Variants in CFAP46 observed in about 807,000 individuals in gnomAD.
The protein encoded by CFAP46 is cilia and flagella associated protein 46, also known as cilia- and flagella-associated protein 46.
In CFAP46, 245 loss-of-function variants were observed where a neutral mutation model predicts 325.7. The observed-to-expected ratio is 0.75, with a 90% CI of 0.68 to 0.84. CFAP46 has a LOEUF of 0.84. Among genes scored for constraint, CFAP46 ranks in the 40% least tolerant of loss-of-function variants. CFAP46 has a pLI of 0.00. For missense variants in CFAP46, 3,346 were observed against 3,543.0 expected, an observed-to-expected ratio of 0.94 and a Z score of 1.41; for synonymous variants, 1,523 against 1,495.9, an observed-to-expected ratio of 1.02 and a Z score of -0.42.
At position 132,937,613 on chromosome 10, in the gene CFAP46, G is replaced by A. The variant is rs536559191; in HGVS notation, c.599C>T (p.Thr200Met). Residue 200 changes from threonine to methionine, a missense_variant, in exon 6 of 58, where the codon ACG becomes ATG. Thr to Met is a moderately conservative substitution (Grantham distance 81). Coordinates refer to ENST00000368586, the MANE Select transcript of CFAP46 (RefSeq NM_001200049.3). ...GTGAGACTTAATGAACGGAGCTGCC[G>A]TGGAGCAGAACCTGGCAGCCTCCTC... ...RKEEAARFCS[T>M]AAPFIKSHVP... 1.7e-5 allele frequency: 27 copies of A among 1,613,392 alleles called. No individual in the cohort carries two copies. The highest frequency in any genetic ancestry group is 6.7e-5 in the East Asian group (3 of 44,884).
chr10:132,866,650 G>C (rs959000603), intron 34 of CFAP46, among the ~76,000 whole-genome samples: 4 of 151,946 alleles, frequency 2.6e-5, no homozygotes, highest in Non-Finnish European at 5.9e-5. Flanking sequence ...GCCTCTCCTC[G>C]CTAAGCAGAG....
At chr10:132,818,590 T>C (rs534962373) in intron 50 of CFAP46, among the ~76,000 whole-genome samples, 4 of 152,204 alleles carry the variant, frequency 2.6e-5, no homozygotes, top group Admixed American at 2.0e-4. Context: ...CGGTGGTTCA[T>C]GCCTGTAATC....
chr10:132,822,099 A>G (rs1440505679), intron 50 of CFAP46, among the ~76,000 whole-genome samples: 2 of 56,172 alleles, frequency 3.6e-5, no homozygotes, highest in African/African-American at 7.7e-5. Context: ...GTGCTGTGTG[A>G]GTGCTGATGT....
In CFAP46 at chr10:132,834,723, C is replaced by T. The variant is rs1283240126; in HGVS notation, c.6797G>A (p.Ser2266Asn). ...EEKERPVQRL[S>N]SVLGPLEELL... ...CTCCTCCAGGGGCCCCAGGACGCTA[C>T]TGAGCCTCTGCACAGGGCGCTCCTT... The change falls in exon 48 of 58, where the codon AGT becomes AAT. Residue 2266 changes from serine (S) to asparagine (N), a missense_variant. Coordinates refer to ENST00000368586, the MANE Select transcript of CFAP46 (RefSeq NM_001200049.3). 1 of 1,613,160 alleles carries T rather than the reference C, an allele frequency of 6.2e-7. No individual in the cohort carries two copies. Among genetic ancestry groups the T allele is most frequent in the African/African-American group, 1.3e-5 (1 of 75,060 alleles).
rs753821610 is a variant in CFAP46 at position 132,941,593 on chromosome 10, G to C, written c.304C>G (p.Leu102Val). 3.7e-6 allele frequency: 6 copies of C among 1,612,684 alleles called. No homozygotes were observed. The South Asian group carries it at 4.4e-5, about 12-fold the overall frequency. Residue 102 changes from leucine to valine, a missense_variant and splice_region_variant, in exon 3 of 58, where the codon CTG (leucine) becomes GTG (valine). By Grantham distance (32) the Leu-to-Val change is conservative (BLOSUM62 1). Transcript: ENST00000368586. ...QMCAPKSAEN[L>V]EEFENCVTEY... ...AAGGGGCACAGGACGCCTCTCACCAGGTTTTCTGCCGACTTCGGGGCACAC... is the reference window on the plus strand; with the variant it reads ...AAGGGGCACAGGACGCCTCTCACCACGTTTTCTGCCGACTTCGGGGCACAC...
At chr10:132,933,651 G>C (rs897634950) in intron 8 of CFAP46, among the ~76,000 whole-genome samples, 1 of 152,230 alleles carries the variant, frequency 6.6e-6, no homozygotes, top group Non-Finnish European at 1.5e-5. Flanking sequence ...TGCGGTCCTG[G>C]GGCCCCTCCC....
chr10:132,865,914 G>T, intron 35 of CFAP46, 111 bp downstream of exon 35: 1 of 1,099,974 alleles, frequency 9.1e-7, no homozygotes. Context: ...GAGGCACGTG[G>T]CCCTGCTAGA....
chr10:132,940,832 G>A (rs1053400732), intron 4 of CFAP46, among the ~76,000 whole-genome samples, 164 bp downstream of exon 4: 1 of 152,216 alleles, frequency 6.6e-6, no homozygotes, highest in African/African-American at 2.4e-5. Context: ...AATGTGGCCT[G>A]TCCACACGCT....
chr10:132,867,653 T>C, intron 33 of CFAP46, 146 bp from the exon 34 acceptor site: 2 of 1,108,682 alleles, frequency 1.8e-6, no homozygotes, highest in Non-Finnish European at 2.5e-6. Flanking sequence ...ATCCTCAGGA[T>C]CTAACGGCAC....
intron 56 of CFAP46, 67 bp downstream of exon 56, chr10:132,810,883 C>A: frequency 6.9e-7 from 1 of 1,442,624 alleles, no homozygotes; most frequent in South Asian, 1.2e-5. Context: ...CTTGTGGGTC[C>A]CACGCCCGTC....
chr10:132,813,316 C>T (rs982464378), intron 54 of CFAP46, among the ~76,000 whole-genome samples: 1 of 148,112 alleles, frequency 6.8e-6, no homozygotes, highest in Non-Finnish European at 1.5e-5. Context: ...CCCCTGCACA[C>T]ACCTGCCCCT....
intron 27 of CFAP46, among the ~76,000 whole-genome samples, chr10:132,882,831 C>T (rs1207219709): frequency 2.0e-5 from 3 of 152,022 alleles, no homozygotes; most frequent in East Asian, 1.9e-4. Context: ...CTGTGGAGGC[C>T]GATGGTGGCT....
chr10:132,845,289 GGT>G (rs888859503), intron 44 of CFAP46, among the ~76,000 whole-genome samples: 6 of 152,226 alleles, frequency 3.9e-5, no homozygotes, highest in African/African-American at 1.4e-4. Context: ...TCCACCTCTG[GGT>G]TGAGTCACCA....
At chr10:132,926,542 T>A in intron 10 of CFAP46, 26 bp downstream of exon 10, 1 of 1,474,048 alleles carries the variant, frequency 6.8e-7, no homozygotes, top group South Asian at 1.2e-5. Flanking sequence ...TAATGCCAGG[T>A]GTATGACTCC....
In CFAP46 at chr10:132,860,446, C is replaced by T; in HGVS notation, c.5169G>A (p.Leu1723=). ...CTTCTAGATCTGTGATCATGAATTC[C>T]AGTAAAGGCAATCGGTTTGGTCTTT... ...KKERPNRLPL[L]EFMITDLEAR... is the part of the protein sequence containing the mutation. Residue 1723 remains leucine (L), a synonymous_variant, in exon 37 of 58, where the codon CTG becomes CTA. Coordinates refer to ENST00000368586, the MANE Select transcript of CFAP46 (RefSeq NM_001200049.3). 6.4e-7 allele frequency: 1 copy of T among 1,551,142 alleles called. No individual in the cohort carries two copies. Among genetic ancestry groups the T allele is most frequent in the Non-Finnish European group, 8.7e-7 (1 of 1,147,018 alleles).
Position 132,876,961 on chromosome 10 carries a change from AC to A in CFAP46, c.4213-1del. 6.5e-7 allele frequency: 1 copy of A among 1,548,776 alleles called. No individual in the cohort carries two copies. Among genetic ancestry groups the A allele is most frequent in the South Asian group, 1.2e-5 (1 of 83,686 alleles). ...TGTTTGATAGGAGCTGGGCTTTGAG[AC>A]TAGAAAGGCAAGAATACAGGATTTA... On this transcript the variant is annotated splice_acceptor_variant, in intron 30 of 57. Coordinates refer to ENST00000368586, the MANE Select transcript of CFAP46 (RefSeq NM_001200049.3). LOFTEE classifies it high-confidence loss of function. This position sits in a 1 kb window ranked among gnomAD's most constrained non-coding sequence, Gnocchi z 4.1.
chr10:132,809,448 G>C (rs1847534111), intron 57 of CFAP46, among the ~76,000 whole-genome samples: 2 of 152,240 alleles, frequency 1.3e-5, no homozygotes, highest in South Asian at 4.1e-4. Flanking sequence ...GGATGAGTGT[G>C]GGTTCCGTCT....
rs1160672334 is a variant in CFAP46, at chr10:132,909,933, C to G, written c.2635G>C (p.Gly879Arg). The G allele has an allele frequency of 4.7e-6, 7 of 1,492,274 alleles. No homozygotes were observed. In the East Asian group the frequency reaches 1.6e-4, roughly 33 times the overall value. 92.4% of individuals were successfully genotyped at this position (1,492,274 alleles called of 1,614,324 possible). Residue 879 changes from glycine to arginine, a missense_variant, in exon 20 of 58, where the codon GGC becomes CGC. Physicochemically the swap from Gly to Arg is moderately radical, Grantham distance 125. Coordinates refer to ENST00000368586, the MANE Select transcript of CFAP46 (RefSeq NM_001200049.3). ...LLQQQIGPRL[G>R]TEEQGTNEDV... ...GGGGCGCCCACCTGCTCCTCGGTGCCCAGCCGTGGCCCAATCTGCTGCTGC... is the reference window on the plus strand; with the variant it reads ...GGGGCGCCCACCTGCTCCTCGGTGCGCAGCCGTGGCCCAATCTGCTGCTGC...
At chr10:132,928,434 C>T (rs1045890925) in intron 9 of CFAP46, among the ~76,000 whole-genome samples, 8 of 152,222 alleles carry the variant, frequency 5.3e-5, no homozygotes, top group Non-Finnish European at 1.2e-4. Context: ...GCCTTGACCA[C>T]GCTTCCCACC....
Sources: allele counts gnomAD v4.1 joint callset (sites outside exome capture counted in the v4.1 genomes callset), GRCh38; gene constraint gnomAD v4.1.1; non-coding constraint Gnocchi (gnomAD v3.1); transcripts MANE v1.5; gene names NCBI Gene and HGNC (gene_info 2026-07-23, HGNC 2026-07-21).